Variants in ILRUN observed in about 807,000 individuals in gnomAD.
ILRUN encodes protein ILRUN.
Under a neutral mutation model 33.8 loss-of-function variants are expected in ILRUN, and 3 were observed. That is an observed-to-expected ratio of 0.09 (90% CI 0.04 to 0.23). The LOEUF (loss-of-function observed/expected upper bound fraction) is 0.23, where lower values mean the gene tolerates loss of function less well. Ranked by LOEUF, ILRUN falls within the 10% of genes least tolerant of loss-of-function variation. ILRUN has a pLI of 1.00. For synonymous variants in ILRUN, 124 were observed against 138.9 expected (o/e 0.89, Z 0.75); for missense variants, 210 against 375.1 (o/e 0.56, Z 3.64).
At chr6:34,682,021 C>CTTTTTTTTTTTTTTTT (rs1377020252) in intron 1 of ILRUN, among the ~76,000 whole-genome samples, 3 of 130,072 alleles carry the variant, frequency 2.3e-5, no homozygotes, top group Non-Finnish European at 3.3e-5. Context: ...CCCACTAATT[C>CTTTTTTTTTTTTTTTT]TTATATTTTT....
chr6:34,653,154 AAAAGAAAG>A lies in ILRUN; in HGVS notation c.313+1463_313+1470del, dbSNP rs35300607. ...TCTCAAAAAAAAAAAAAAAAAAAGA[AAAAGAAAG>A]AAAGAAAGAAAAAAAATTTAGACAC... On this transcript the variant is annotated intron_variant, in intron 2 of 4. Coordinates refer to ENST00000374023, the MANE Select transcript of ILRUN (RefSeq NM_024294.4). Among the ~76,000 whole-genome samples, 148 of 144,460 alleles carry A rather than the reference AAAAGAAAG, an allele frequency of 1.0e-3. 1 individual carries two copies. Among genetic ancestry groups the A allele is most frequent in the African/African-American group, 2.5e-3 (98 of 38,510 alleles). The allele number at this position is 144,460 out of a possible 152,430, so 94.8% of individuals were successfully genotyped here.
chr6:34,665,194 G>A (rs751275910), intron 1 of ILRUN, among the ~76,000 whole-genome samples: 2 of 143,286 alleles, frequency 1.4e-5, no homozygotes, highest in South Asian at 2.2e-4. Context: ...GTAGCTCACC[G>A]CCTATAATCC....
chr6:34,608,149 T>G (rs1354761034), intron 3 of ILRUN, among the ~76,000 whole-genome samples: 1 of 151,050 alleles, frequency 6.6e-6, no homozygotes, highest in Non-Finnish European at 1.5e-5. Flanking sequence ...ATCCCAACAC[T>G]CTGGGAGGCT....
At chr6:34,641,078 C>CAAAAAA (rs752197549) in intron 3 of ILRUN, among the ~76,000 whole-genome samples, 2 of 77,088 alleles carry the variant, frequency 2.6e-5, no homozygotes, top group African/African-American at 4.7e-5. Context: ...GACTCCATCT[C>CAAAAAA]AAAAAAAAAA....
chr6:34,588,557 G>A lies in ILRUN; in HGVS notation c.*2008C>T. 4.3e-6 allele frequency: 1 copy of A among 235,256 alleles called. No individual in the cohort carries two copies. Among genetic ancestry groups the A allele is most frequent in the Non-Finnish European group, 8.2e-6 (1 of 122,340 alleles). The allele number at this position is 235,256 out of a possible 1,614,324, so 14.6% of individuals were successfully genotyped here. On this transcript the variant is annotated 3_prime_UTR_variant, in exon 5 of 5. Transcript: ENST00000374023. ...AGCAGCAGCAGTCTGGGCCTAATGA[G>A]GCCCTCAGACAAAAAGCCATCCTGA...
At chr6:34,690,379 T>C (rs183639198) in intron 1 of ILRUN, among the ~76,000 whole-genome samples, 2 of 152,202 alleles carry the variant, frequency 1.3e-5, no homozygotes, top group Admixed American at 6.5e-5. Context: ...AAGAATCGCA[T>C]GAACCCAGGA....
intron 1 of ILRUN, among the ~76,000 whole-genome samples, chr6:34,683,453 C>CATATAT (rs1451602188): frequency 6.2e-5 from 6 of 96,614 alleles, no homozygotes; most frequent in Non-Finnish European, 9.9e-5. Flanking sequence ...TATATATATA[C>CATATAT]ATATATATAC....
intron 3 of ILRUN, among the ~76,000 whole-genome samples, chr6:34,632,351 G>A (rs572222871): frequency 5.9e-5 from 9 of 152,190 alleles, no homozygotes; most frequent in African/African-American, 2.2e-4. Flanking sequence ...TGAGGCAAGA[G>A]AATAGCGTGA....
chr6:34,693,051 C>G (rs1398549915), intron 1 of ILRUN, among the ~76,000 whole-genome samples: 1 of 151,692 alleles, frequency 6.6e-6, no homozygotes, highest in Non-Finnish European at 1.5e-5. Context: ...GCACTTCAGC[C>G]TGGGAGACAG....
intron 3 of ILRUN, among the ~76,000 whole-genome samples, chr6:34,612,063 TAGTA>T (rs1335408793): frequency 6.6e-6 from 1 of 152,146 alleles, no homozygotes. Flanking sequence ...AATGAGGACT[TAGTA>T]AGCAAATGGA....
At chr6:34,628,766 C>T (rs760208057) in intron 3 of ILRUN, among the ~76,000 whole-genome samples, 9 of 151,950 alleles carry the variant, frequency 5.9e-5, no homozygotes, top group Non-Finnish European at 1.3e-4. Flanking sequence ...ACGTTGGCCT[C>T]ACAGAAGGAG....
chr6:34,696,608 G>A lies in ILRUN; in HGVS notation c.-5C>T, dbSNP rs553942931. 32 of 1,599,024 alleles carry A rather than the reference G, an allele frequency of 2.0e-5. No individual in the cohort carries two copies. In the African/African-American group the frequency reaches 3.9e-4, roughly 19 times the overall value. ...GTCTACGTCCATGCCCTCCATGGCG[G>A]GGACCGGACACCCGCTTCCCCGCCT... On this transcript the variant is annotated 5_prime_UTR_variant, in exon 1 of 5. Coordinates refer to ENST00000374023, the MANE Select transcript of ILRUN (RefSeq NM_024294.4).
intron 3 of ILRUN, among the ~76,000 whole-genome samples, chr6:34,620,038 T>C (rs1201509111): frequency 6.7e-6 from 1 of 148,648 alleles, no homozygotes; most frequent in Non-Finnish European, 1.5e-5. Flanking sequence ...AGTTATAAGA[T>C]TGTCTTAGAA....
intron 1 of ILRUN, among the ~76,000 whole-genome samples, chr6:34,667,908 TA>T (rs1252845066): frequency 6.6e-6 from 1 of 152,032 alleles, no homozygotes; most frequent in Admixed American, 6.6e-5. Context: ...GATCCTGCAT[TA>T]AAAAAAGGAA....
intron 3 of ILRUN, among the ~76,000 whole-genome samples, chr6:34,612,207 A>G (rs1167209309): frequency 6.6e-6 from 1 of 152,138 alleles, no homozygotes; most frequent in Non-Finnish European, 1.5e-5. Flanking sequence ...TGAACTCAGG[A>G]GTTTGCGACC....
chr6:34,645,099 GGC>G (rs1762540714), intron 3 of ILRUN, among the ~76,000 whole-genome samples: 1 of 152,128 alleles, frequency 6.6e-6, no homozygotes, highest in African/African-American at 2.4e-5. Flanking sequence ...AGTTGCCACT[GGC>G]TCCAAAAACA....
chr6:34,601,873 T>A (rs1288211853), intron 4 of ILRUN, among the ~76,000 whole-genome samples: 1 of 144,804 alleles, frequency 6.9e-6, no homozygotes, highest in African/African-American at 2.6e-5. Flanking sequence ...ACAGGATGAC[T>A]GTCAAGAGAG....
intron 2 of ILRUN, among the ~76,000 whole-genome samples, chr6:34,650,407 T>TTTTATTTA (rs56072656): frequency 0.014 from 1,933 of 141,488 alleles, 24 homozygotes; most frequent in East Asian, 0.023. Context: ...ATTTATTTAT[T>TTTTATTTA]TTTATTTATT....
chr6:34,610,897 C>A (rs1401988250), intron 3 of ILRUN, among the ~76,000 whole-genome samples: 1 of 152,048 alleles, frequency 6.6e-6, no homozygotes, highest in African/African-American at 2.4e-5. Flanking sequence ...TACCACCACC[C>A]CTTTTCTCCC....
Sources: allele counts gnomAD v4.1 joint callset (sites outside exome capture counted in the v4.1 genomes callset), GRCh38; gene constraint gnomAD v4.1.1; transcripts MANE v1.5; gene names NCBI Gene and HGNC (gene_info 2026-07-23, HGNC 2026-07-21).